Variants in ADARB2 observed in about 807,000 individuals in gnomAD.
The protein encoded by ADARB2 is adenosine deaminase RNA specific B2 (inactive).
A neutral mutation model predicts 62.2 loss-of-function variants in ADARB2; 25 were observed. The observed-to-expected ratio is 0.40, with a 90% CI of 0.29 to 0.56. The LOEUF is 0.56. Ranked by LOEUF, ADARB2 falls within the 20% of genes least tolerant of loss-of-function variation. The pLI, the probability that ADARB2 is intolerant of heterozygous loss-of-function variation, is 0.43. For missense variants in ADARB2, 1,071 were observed against 1,077.4 expected (o/e 0.99, Z 0.08); for synonymous variants, 572 against 500.8 (o/e 1.14, Z -1.90).
intron 6 of ADARB2, among the ~76,000 whole-genome samples, 183 bp from the exon 7 acceptor site, chr10:1,217,302 C>T (rs1830639827): frequency 6.6e-6 from 1 of 152,202 alleles, no homozygotes; most frequent in Non-Finnish European, 1.5e-5. Flanking sequence ...CCACACCATC[C>T]CGCCTGGGCC....
intron 1 of ADARB2, among the ~76,000 whole-genome samples, chr10:1,647,526 C>T (rs10903531): frequency 0.47 from 71,062 of 151,858 alleles, 16,812 homozygotes; most frequent in South Asian, 0.53. Flanking sequence ...TATATGCATG[C>T]ATGTGTGTTT....
At chr10:1,376,544 C>T (rs1324482611) in intron 2 of ADARB2, among the ~76,000 whole-genome samples, 5 of 152,232 alleles carry the variant, frequency 3.3e-5, no homozygotes, top group African/African-American at 4.8e-5. Flanking sequence ...GAAGCTCCTA[C>T]GTGGGGTGGG....
chr10:1,645,634 C>T (rs181313236), intron 1 of ADARB2, among the ~76,000 whole-genome samples: 2 of 152,280 alleles, frequency 1.3e-5, no homozygotes, highest in Admixed American at 1.3e-4. Context: ...TCTAAGCACT[C>T]CTCAGACCGG....
intron 1 of ADARB2, among the ~76,000 whole-genome samples, chr10:1,581,819 G>C (rs1297928609): frequency 7.4e-6 from 1 of 134,256 alleles, no homozygotes; most frequent in Non-Finnish European, 1.6e-5. Flanking sequence ...AGATGACTTA[G>C]AAATAGATGT....
At chr10:1,208,628 C>T (rs977829543) in intron 7 of ADARB2, among the ~76,000 whole-genome samples, 4 of 152,232 alleles carry the variant, frequency 2.6e-5, no homozygotes, top group Non-Finnish European at 4.4e-5. Context: ...TGGCCTGGAC[C>T]CCCAGTGGGC....
At chr10:1,462,413 C>A (rs1228896198) in intron 1 of ADARB2, among the ~76,000 whole-genome samples, 2 of 152,278 alleles carry the variant, frequency 1.3e-5, no homozygotes, top group Non-Finnish European at 2.9e-5. Flanking sequence ...GCCGCCAGGG[C>A]TGCGTCCTAA....
intron 1 of ADARB2, chr10:1,678,375 A>T: frequency 1.0e-6 from 1 of 979,024 alleles, no homozygotes; most frequent in Non-Finnish European, 1.2e-6. Flanking sequence ...CGGGGTGAGC[A>T]TCCTCGGGCT....
Position 1,605,656 on chromosome 10 carries a change from C to T in ADARB2, c.100+131395G>A, listed in dbSNP as rs1022616274. On this transcript the variant is annotated intron_variant, in intron 1 of 9. Transcript: ENST00000381312. ...ACTATTTTCTTAAAAAGTAAGTACCCAACCTACAGCTACTATTGCCTGAGG... is the reference window on the plus strand; with the variant it reads ...ACTATTTTCTTAAAAAGTAAGTACCTAACCTACAGCTACTATTGCCTGAGG... Among the ~76,000 whole-genome samples the T allele has an allele frequency of 4.6e-5, 7 of 152,250 alleles. 1 individual carries two copies. The South Asian group carries it at 6.2e-4, about 14-fold the overall frequency.
intron 1 of ADARB2, among the ~76,000 whole-genome samples, chr10:1,498,127 C>G (rs1217209802): frequency 6.6e-6 from 1 of 152,092 alleles, no homozygotes; most frequent in Non-Finnish European, 1.5e-5. Context: ...AATCCCGGCA[C>G]TTTGGGAGGC....
intron 1 of ADARB2, among the ~76,000 whole-genome samples, chr10:1,543,219 C>T (rs546184742): frequency 6.6e-6 from 1 of 152,224 alleles, no homozygotes; most frequent in South Asian, 2.1e-4. Flanking sequence ...AGCCGGGCGT[C>T]CTGCCCGCCC....
intron 1 of ADARB2, chr10:1,534,804 T>C (rs955934276): frequency 1.2e-5 from 2 of 167,058 alleles, no homozygotes; most frequent in Admixed American, 6.5e-5. Context: ...TGCTTCCCTT[T>C]CAAATGAAAG....
At chr10:1,461,033 A>G (rs931538678) in intron 1 of ADARB2, among the ~76,000 whole-genome samples, 3 of 152,270 alleles carry the variant, frequency 2.0e-5, no homozygotes, top group Non-Finnish European at 4.4e-5. Flanking sequence ...TAATTTGGAC[A>G]TTATATATTC....
chr10:1,437,016 C>G (rs925319207), intron 1 of ADARB2, among the ~76,000 whole-genome samples: 1 of 152,100 alleles, frequency 6.6e-6, no homozygotes, highest in Non-Finnish European at 1.5e-5. Context: ...CCTGAAGGAG[C>G]CTGTCTAATG....
chr10:1,510,034 TTTC>T (rs927334488), intron 1 of ADARB2, among the ~76,000 whole-genome samples: 1 of 151,938 alleles, frequency 6.6e-6, no homozygotes, highest in African/African-American at 2.4e-5. Flanking sequence ...TTTCTCTTTC[TTTC>T]TTTTCTCTCT....
intron 4 of ADARB2, among the ~76,000 whole-genome samples, chr10:1,253,396 G>A (rs1311707728): frequency 2.0e-5 from 3 of 152,286 alleles, no homozygotes; most frequent in Middle Eastern, 6.8e-3. Flanking sequence ...GACAAGACAC[G>A]TTCAAGAACA....
intron 1 of ADARB2, among the ~76,000 whole-genome samples, chr10:1,514,178 A>AATATATATATATATATATATATATAT (rs61671460): frequency 0.017 from 1,617 of 93,812 alleles, 130 homozygotes; most frequent in Non-Finnish European, 0.018. Flanking sequence ...GCTGTCTCAA[A>AATATATATATATATATATATATATAT]ATATATATAT....
intron 1 of ADARB2, among the ~76,000 whole-genome samples, chr10:1,724,085 G>A (rs1389670139): frequency 6.6e-6 from 1 of 152,204 alleles, no homozygotes; most frequent in African/African-American, 2.4e-5. Context: ...GACCTGTGGT[G>A]CCTCACAGTG....
intron 1 of ADARB2, chr10:1,678,049 C>G (rs980407108): frequency 1.6e-5 from 8 of 509,720 alleles, no homozygotes; most frequent in Admixed American, 6.4e-5. Flanking sequence ...AGGGAACAAA[C>G]TGGATAATTG....
At chr10:1,460,485 C>A (rs12784719) in intron 1 of ADARB2, among the ~76,000 whole-genome samples, 1 of 68,140 alleles carries the variant, frequency 1.5e-5, no homozygotes, top group Non-Finnish European at 2.7e-5. Flanking sequence ...AGTTTACCTG[C>A]GTTACGAACC....
Sources: allele counts gnomAD v4.1 joint callset (sites outside exome capture counted in the v4.1 genomes callset), GRCh38; gene constraint gnomAD v4.1.1; transcripts MANE v1.5; gene names NCBI Gene and HGNC (gene_info 2026-07-23, HGNC 2026-07-21).